The following DNAAF11 variants were observed in gnomAD, a reference collection of about 807,000 sequenced individuals.
DNAAF11 encodes the protein dynein axonemal assembly factor 11.
Under a neutral mutation model 60.8 loss-of-function variants are expected in DNAAF11, and 45 were observed. The ratio of observed to expected loss-of-function variants is 0.74; its 90% CI spans 0.58 to 0.95. The LOEUF (loss-of-function observed/expected upper bound fraction) is 0.95, where lower values mean the gene tolerates loss of function less well. DNAAF11 is among the 40% of genes least tolerant of loss of function. The pLI, the probability that DNAAF11 is intolerant of heterozygous loss-of-function variation, is 0.00. For missense variants in DNAAF11, 546 were observed against 546.2 expected (o/e 1.00, Z 0.00); for synonymous variants, 191 against 183.5 (o/e 1.04, Z -0.33).
chr8:132,674,558 C>T (rs781714520), intron 1 of DNAAF11, among the ~76,000 whole-genome samples: 32 of 152,302 alleles, frequency 2.1e-4, no homozygotes, highest in South Asian at 4.1e-4. Flanking sequence ...AATAACTTAC[C>T]CGCATCACCT....
chr8:132,601,473 C>T (rs1309745096), intron 10 of DNAAF11, among the ~76,000 whole-genome samples: 27 of 152,124 alleles, frequency 1.8e-4, no homozygotes, highest in Middle Eastern at 3.2e-3. Flanking sequence ...CACATGCACA[C>T]GTATGTTTAT....
chr8:132,609,778 A>G (rs1024083951), intron 10 of DNAAF11, among the ~76,000 whole-genome samples: 1 of 152,118 alleles, frequency 6.6e-6, no homozygotes, highest in African/African-American at 2.4e-5. Context: ...ACTTTCTCCT[A>G]TCTTGATACA....
chr8:132,615,881 A>C (rs947399785), intron 7 of DNAAF11, among the ~76,000 whole-genome samples: 1 of 152,190 alleles, frequency 6.6e-6, no homozygotes, highest in African/African-American at 2.4e-5. Context: ...AAAGAACATA[A>C]GCTAAACTGT....
chr8:132,699,376 G>A, the DNAAF11 span, among the ~76,000 whole-genome samples: 1 of 152,120 alleles, frequency 6.6e-6, no homozygotes. Flanking sequence ...AGAACAGAAA[G>A]GGGAGCAGTG....
chr8:132,698,249 G>C, the DNAAF11 span, among the ~76,000 whole-genome samples: 1 of 152,178 alleles, frequency 6.6e-6, no homozygotes, highest in Non-Finnish European at 1.5e-5. Flanking sequence ...ACCATGGAAA[G>C]CTCTTATCCT....
intron 1 of DNAAF11, among the ~76,000 whole-genome samples, chr8:132,664,531 C>T (rs1364703001): frequency 6.6e-6 from 1 of 152,188 alleles, no homozygotes. Flanking sequence ...AGTGCAGTGG[C>T]ACGATTACAG....
intron 10 of DNAAF11, 135 bp downstream of exon 10, chr8:132,610,031 C>A: frequency 1.6e-6 from 1 of 607,226 alleles, no homozygotes; most frequent in East Asian, 2.8e-5. Flanking sequence ...TCTCCTACCT[C>A]AGCTGCTGTG....
rs1431580861 is a variant in DNAAF11 at position 132,570,732 on chromosome 8, A to C, written c.*1574T>G. On this transcript the variant is annotated 3_prime_UTR_variant, in exon 12 of 12. Transcript: ENST00000620350. Reference sequence around the variant, plus strand: ...CTGCTGCAGCTGATCCTTGATCTCCACCACTGTGTGTCCATCCCATCTTTC... The same window carrying C: ...CTGCTGCAGCTGATCCTTGATCTCCCCCACTGTGTGTCCATCCCATCTTTC... Among the ~76,000 whole-genome samples the C allele has an allele frequency of 6.6e-6, 1 of 152,162 alleles. No homozygotes were observed. The highest frequency in any genetic ancestry group is 1.5e-5 in the Non-Finnish European group (1 of 68,038).
the DNAAF11 span, chr8:132,687,578 G>A: frequency 2.2e-6 from 1 of 456,100 alleles, no homozygotes; most frequent in South Asian, 1.5e-5. Context: ...CCTTCGTTGA[G>A]TTCTCACCAG....
rs138456559 is a variant in DNAAF11, at chr8:132,595,025, C to T, written c.1141-11246G>A. 4.2e-3 allele frequency among the ~76,000 whole-genome samples: 641 copies of T among 152,198 alleles called. 4 individuals are homozygous for T. Among genetic ancestry groups the T allele is most frequent in the Non-Finnish European group, 6.8e-3 (462 of 68,000 alleles). ...CTGCTGCCACGGTCCACGTTTGCTT[C>T]CCCTTCACCTTCCACCATGATCTGG... is the stretch of plus-strand genomic sequence containing the variant. On this transcript the variant is annotated intron_variant, in intron 10 of 11. Coordinates refer to ENST00000620350, the MANE Select transcript of DNAAF11 (RefSeq NM_012472.6).
intron 10 of DNAAF11, among the ~76,000 whole-genome samples, chr8:132,609,631 C>G (rs1016162590): frequency 2.0e-5 from 3 of 152,080 alleles, no homozygotes; most frequent in Admixed American, 6.6e-5. Flanking sequence ...GTCTTTTTAT[C>G]TCATGCAAGA....
the DNAAF11 span, among the ~76,000 whole-genome samples, chr8:132,682,633 T>C: frequency 9.2e-5 from 14 of 152,366 alleles, no homozygotes; most frequent in Admixed American, 5.2e-4. Context: ...ATGGACACAT[T>C]ACTCTTCCAG....
intron 10 of DNAAF11, among the ~76,000 whole-genome samples, chr8:132,590,406 T>A (rs1438737834): frequency 3.9e-5 from 6 of 152,346 alleles, no homozygotes; most frequent in Admixed American, 6.5e-5. Flanking sequence ...TCTCCCTCTG[T>A]CCCAGGAATA....
At chr8:132,617,073 T>G (rs78621524) in intron 7 of DNAAF11, among the ~76,000 whole-genome samples, 1 of 152,274 alleles carries the variant, frequency 6.6e-6, no homozygotes, top group East Asian at 1.9e-4. Context: ...GGTACAATTA[T>G]CTTTTAGAAT....
intron 7 of DNAAF11, among the ~76,000 whole-genome samples, chr8:132,616,331 T>G (rs1274206661): frequency 6.6e-6 from 1 of 152,100 alleles, no homozygotes; most frequent in African/African-American, 2.4e-5. Flanking sequence ...TTTTCTTCTT[T>G]ATTTAGCTGA....
intron 1 of DNAAF11, among the ~76,000 whole-genome samples, chr8:132,671,088 C>A (rs1825145036): frequency 6.6e-6 from 1 of 152,006 alleles, no homozygotes; most frequent in African/African-American, 2.4e-5. Context: ...AAGGTTCTAG[C>A]AATAGGCAAG....
At chr8:132,601,419 C>T (rs1328009566) in intron 10 of DNAAF11, among the ~76,000 whole-genome samples, 13 of 152,202 alleles carry the variant, frequency 8.5e-5, no homozygotes, top group Admixed American at 5.9e-4. Flanking sequence ...CATCCTACTA[C>T]TGGGTATATA....
At chr8:132,691,762 C>T in the DNAAF11 span, among the ~76,000 whole-genome samples, 1 of 152,198 alleles carries the variant, frequency 6.6e-6, no homozygotes, top group African/African-American at 2.4e-5. Context: ...ATCATCCAGT[C>T]ACTTCCCACC....
At chr8:132,690,301 T>A in the DNAAF11 span, among the ~76,000 whole-genome samples, 1 of 152,098 alleles carries the variant, frequency 6.6e-6, no homozygotes, top group African/African-American at 2.4e-5. Flanking sequence ...CCCCATGCTG[T>A]TCTCGTGATA....
Sources: allele counts gnomAD v4.1 joint callset (sites outside exome capture counted in the v4.1 genomes callset), GRCh38; gene constraint gnomAD v4.1.1; transcripts MANE v1.5; gene names NCBI Gene and HGNC (gene_info 2026-07-23, HGNC 2026-07-21).